The following MUSK variants were observed in gnomAD, a reference collection of about 807,000 sequenced individuals.
MUSK encodes muscle, skeletal receptor tyrosine-protein kinase.
A neutral mutation model predicts 88.7 loss-of-function variants in MUSK; 55 were observed. The ratio of observed to expected loss-of-function variants is 0.62; its 90% confidence interval spans 0.50 to 0.78. MUSK has a LOEUF of 0.78. Among genes scored for constraint, MUSK ranks in the 30% least tolerant of loss-of-function variants. MUSK has a pLI of 0.00. For missense variants in MUSK, 1,015 were observed against 1,074.3 expected (o/e 0.94, Z 0.77); for synonymous variants, 387 against 391.9 (o/e 0.99, Z 0.15).
intron 4 of MUSK, among the ~76,000 whole-genome samples, chr9:110,696,890 A>G (rs780404698): frequency 4.6e-5 from 7 of 151,776 alleles, no homozygotes; most frequent in South Asian, 2.1e-4. Flanking sequence ...TAGCGTGCCT[A>G]TTACCTGAGT....
intron 1 of MUSK, among the ~76,000 whole-genome samples, chr9:110,679,892 G>A (rs2076085462): frequency 6.6e-6 from 1 of 151,922 alleles, no homozygotes; most frequent in Non-Finnish European, 1.5e-5. Flanking sequence ...TGATCTTATA[G>A]TTGTTTGTCT....
intron 3 of MUSK, among the ~76,000 whole-genome samples, chr9:110,691,323 T>C (rs2076353583): frequency 3.3e-5 from 5 of 152,126 alleles, no homozygotes; most frequent in Admixed American, 3.3e-4. Context: ...ATACTCATGA[T>C]TTGCCTCCAA....
In MUSK at chr9:110,703,393, G is replaced by A. The variant is rs946394575; in HGVS notation, c.628+5927G>A. 3.3e-5 allele frequency among the ~76,000 whole-genome samples: 5 copies of A among 151,940 alleles called. No homozygotes were observed. In the East Asian group the frequency reaches 9.7e-4, roughly 29 times the overall value. On this transcript the variant is annotated intron_variant, in intron 5 of 14. Transcript: ENST00000374448. ...CTCTATACAAAAATTAGCCGGGCGT[G>A]GTGGTGCACGCCTGTAGTTCCAGCT...
At chr9:110,797,183 A>G (rs1015364961) in intron 14 of MUSK, among the ~76,000 whole-genome samples, 28 of 142,884 alleles carry the variant, frequency 2.0e-4, no homozygotes, top group African/African-American at 6.7e-4. Flanking sequence ...AAAAAAAAAA[A>G]AAAAAGAAGG....
At chr9:110,746,880 C>T (rs1397911636) in intron 6 of MUSK, among the ~76,000 whole-genome samples, 3 of 152,172 alleles carry the variant, frequency 2.0e-5, no homozygotes, top group Non-Finnish European at 4.4e-5. Context: ...CAACCATCCA[C>T]CTATCTGACA....
chr9:110,749,134 C>A (rs1279849659), intron 7 of MUSK, among the ~76,000 whole-genome samples: 1 of 152,116 alleles, frequency 6.6e-6, no homozygotes, highest in African/African-American at 2.4e-5. Context: ...CTTTTACATG[C>A]ATTTATCAAA....
At chr9:110,786,165 G>A (rs999233422) in intron 13 of MUSK, among the ~76,000 whole-genome samples, 2 of 151,064 alleles carry the variant, frequency 1.3e-5, no homozygotes, top group Admixed American at 1.3e-4. Flanking sequence ...ACAAAATTGA[G>A]CCAGGCATGG....
chr9:110,766,925 C>T (rs2077493822), intron 8 of MUSK, among the ~76,000 whole-genome samples: 1 of 152,130 alleles, frequency 6.6e-6, no homozygotes, highest in Non-Finnish European at 1.5e-5. Context: ...TGTTATAATT[C>T]CCAGCATTAT....
chr9:110,744,394 G>A (rs899870549), intron 6 of MUSK, among the ~76,000 whole-genome samples: 4 of 152,078 alleles, frequency 2.6e-5, no homozygotes, highest in South Asian at 2.1e-4. Context: ...TAAAATTATC[G>A]GATTATCCAT....
At chr9:110,678,778 C>T (rs1052931527) in intron 1 of MUSK, among the ~76,000 whole-genome samples, 1 of 152,034 alleles carries the variant, frequency 6.6e-6, no homozygotes, top group Non-Finnish European at 1.5e-5. Flanking sequence ...TGTCATCTAT[C>T]AGGGCTTACA....
rs2078124692 is a variant in MUSK at position 110,803,653 on chromosome 9, A to G, written c.*2665A>G. On this transcript the variant is annotated 3_prime_UTR_variant, in exon 15 of 15. Transcript: ENST00000374448. Reference sequence around the variant, plus strand: ...ATGAATAGCAAAAAAAGTATATTTCAGCATTATCAATTTAAGTTAATCATA... The same window carrying G: ...ATGAATAGCAAAAAAAGTATATTTCGGCATTATCAATTTAAGTTAATCATA... Among the ~76,000 whole-genome samples the G allele has an allele frequency of 6.6e-6, 1 of 152,208 alleles. No individual in the cohort carries two copies. Among genetic ancestry groups the G allele is most frequent in the South Asian group, 2.1e-4 (1 of 4,826 alleles).
intron 7 of MUSK, among the ~76,000 whole-genome samples, chr9:110,759,895 G>A (rs1382610633): frequency 2.0e-5 from 3 of 152,140 alleles, no homozygotes; most frequent in Non-Finnish European, 2.9e-5. Context: ...AGTTAGCCAG[G>A]TGTGGTGGCA....
chr9:110,734,676 A>G (rs1004087937), intron 6 of MUSK, among the ~76,000 whole-genome samples: 2 of 152,116 alleles, frequency 1.3e-5, no homozygotes, highest in Non-Finnish European at 2.9e-5. Context: ...CATTAAACTC[A>G]TCACCGAAAG....
intron 7 of MUSK, among the ~76,000 whole-genome samples, chr9:110,756,773 C>A (rs1033485942): frequency 6.6e-6 from 1 of 152,054 alleles, no homozygotes; most frequent in African/African-American, 2.4e-5. Flanking sequence ...GGTTATAGGG[C>A]CTACAAATTG....
chr9:110,677,147 T>G (rs904700392), intron 1 of MUSK, among the ~76,000 whole-genome samples: 2 of 152,188 alleles, frequency 1.3e-5, no homozygotes, highest in Non-Finnish European at 2.9e-5. Flanking sequence ...CATTTTTGCT[T>G]CTACTAGGTG....
At chr9:110,756,045 C>A (rs913729429) in intron 7 of MUSK, among the ~76,000 whole-genome samples, 1 of 147,338 alleles carries the variant, frequency 6.8e-6, no homozygotes, top group Non-Finnish European at 1.5e-5. Flanking sequence ...CTTTTATTAT[C>A]CCCATTTCAC....
In MUSK at chr9:110,800,460, C is replaced by G. The variant is rs201616041; in HGVS notation, c.2082C>G (p.Pro694=). 8.1e-6 allele frequency: 13 copies of G among 1,613,722 alleles called. 1 individual carries two copies. In the South Asian group the frequency reaches 1.4e-4, roughly 18 times the overall value. The change falls in exon 15 of 15, where the codon CCC becomes CCG. Residue 694 remains proline (P), a synonymous_variant. Coordinates refer to ENST00000374448, the MANE Select transcript of MUSK (RefSeq NM_005592.4). The part of the protein sequence containing the change: ...SMRAQVSSPG[P]PPLSCAEQLC... ...GGGCTCAGGTCTCCAGCCCTGGGCCCCCACCCCTCTCCTGTGCTGAGCAGC... is the reference window on the plus strand; with the variant it reads ...GGGCTCAGGTCTCCAGCCCTGGGCCGCCACCCCTCTCCTGTGCTGAGCAGC...
At chr9:110,726,843 TC>T (rs1168674994) in intron 5 of MUSK, among the ~76,000 whole-genome samples, 1 of 152,054 alleles carries the variant, frequency 6.6e-6, no homozygotes, top group Admixed American at 6.6e-5. Context: ...CCGAAGGCAT[TC>T]AAATGCAATT....
chr9:110,689,637 T>C (rs1402895500), intron 3 of MUSK, among the ~76,000 whole-genome samples: 1 of 52,134 alleles, frequency 1.9e-5, no homozygotes, highest in African/African-American at 6.4e-5. Context: ...TATATTAGTA[T>C]ATATTAGTAA....
Sources: gnomAD v4.1 joint callset for allele counts (sites outside exome capture counted in the v4.1 genomes callset) on GRCh38, gnomAD v4.1.1 for gene constraint, MANE v1.5 for transcripts, NCBI Gene and HGNC (gene_info 2026-07-23, HGNC 2026-07-21) for gene names.